ZNF536: variants seen among roughly 807,000 people sequenced by gnomAD.
ZNF536 encodes zinc finger protein 536.
In ZNF536, 13 loss-of-function variants were observed where a neutral mutation model predicts 84.5. That is an observed-to-expected ratio of 0.15 (90% CI 0.10 to 0.24). The LOEUF is 0.24. ZNF536 is among the 10% of genes least tolerant of loss of function. The pLI, the probability that ZNF536 is intolerant of heterozygous loss-of-function variation, is 1.00. For missense variants in ZNF536, 1,536 were observed against 1,747.5 expected (o/e 0.88, Z 2.16); for synonymous variants, 811 against 742.5 (o/e 1.09, Z -1.50).
intron 1 of ZNF536, among the ~76,000 whole-genome samples, chr19:30,280,410 C>A (rs2045400103): frequency 1.3e-5 from 2 of 152,200 alleles, no homozygotes; most frequent in African/African-American, 4.8e-5. Context: ...CTCCCCTACT[C>A]CCTCCCATCC....
intron 1 of ZNF536, among the ~76,000 whole-genome samples, chr19:30,627,468 C>CAAAAAAAAAAAAAAAAAAAAA (rs569312789): frequency 3.8e-5 from 2 of 52,028 alleles, no homozygotes; most frequent in African/African-American, 9.4e-5. Context: ...AAGGCCCTGT[C>CAAAAAAAAAAAAAAAAAAAAA]AAAAAAAAAA....
At chr19:30,236,241 G>A (rs1245474035) in intron 1 of ZNF536, among the ~76,000 whole-genome samples, 1 of 152,214 alleles carries the variant, frequency 6.6e-6, no homozygotes, top group African/African-American at 2.4e-5. Flanking sequence ...TGCCGCCGCC[G>A]GGTACTGAGG....
intron 1 of ZNF536, among the ~76,000 whole-genome samples, chr19:30,678,043 T>G (rs1313501165): frequency 6.6e-6 from 1 of 152,176 alleles, no homozygotes; most frequent in Non-Finnish European, 1.5e-5. Context: ...GAGTGTTCGG[T>G]GACAGTTTAT....
chr19:30,379,161 A>G (rs992700378), intron 1 of ZNF536, among the ~76,000 whole-genome samples: 2 of 152,304 alleles, frequency 1.3e-5, no homozygotes, highest in Middle Eastern at 3.4e-3. Context: ...AAGTTTGTGT[A>G]TTCTCCTGAC....
intron 2 of ZNF536, among the ~76,000 whole-genome samples, chr19:30,493,084 A>T (rs1335168745): frequency 7.8e-6 from 1 of 128,722 alleles, no homozygotes; most frequent in Non-Finnish European, 1.6e-5. Flanking sequence ...TTGCAATATT[A>T]CTCACTTTTT....
intron 2 of ZNF536, among the ~76,000 whole-genome samples, chr19:30,500,097 T>C (rs566033588): frequency 9.2e-5 from 14 of 152,220 alleles, no homozygotes; most frequent in Non-Finnish European, 1.6e-4. Context: ...TTAGATTATT[T>C]TAAATCGTTC....
chr19:30,447,108 G>C (rs907304043), intron 2 of ZNF536, among the ~76,000 whole-genome samples: 4 of 152,232 alleles, frequency 2.6e-5, no homozygotes, highest in African/African-American at 9.6e-5. Flanking sequence ...AAGACAGTTT[G>C]AGGCACCTCG....
intron 1 of ZNF536, among the ~76,000 whole-genome samples, chr19:30,414,578 A>T (rs958465461): frequency 2.0e-4 from 31 of 152,174 alleles, no homozygotes; most frequent in Non-Finnish European, 3.2e-4. Context: ...GTGTGCACAT[A>T]TGCATTCAGC....
intron 2 of ZNF536, among the ~76,000 whole-genome samples, chr19:30,529,844 G>T (rs536456409): frequency 6.6e-6 from 1 of 152,288 alleles, no homozygotes; most frequent in South Asian, 2.1e-4. Context: ...TGCAAATATG[G>T]CCTGTGTCTG....
At chr19:30,355,355 C>A (rs923457872) in intron 3 of ZNF536, among the ~76,000 whole-genome samples, 1 of 152,110 alleles carries the variant, frequency 6.6e-6, no homozygotes, top group African/African-American at 2.4e-5. Context: ...TGGTGTTAAA[C>A]CACTCACGAG....
intron 1 of ZNF536, among the ~76,000 whole-genome samples, chr19:30,636,592 T>C (rs750575734): frequency 6.6e-6 from 1 of 152,182 alleles, no homozygotes; most frequent in South Asian, 2.1e-4. Context: ...CATTTTGCGA[T>C]GTTGGATTTC....
chr19:30,645,609 A>G (rs1159863003), intron 1 of ZNF536, among the ~76,000 whole-genome samples: 3 of 152,196 alleles, frequency 2.0e-5, no homozygotes, highest in Non-Finnish European at 4.4e-5. Flanking sequence ...AATATTAATG[A>G]ATGATGTAAA....
intron 2 of ZNF536, among the ~76,000 whole-genome samples, chr19:30,518,616 A>G (rs944784594): frequency 1.3e-5 from 2 of 152,248 alleles, no homozygotes. Flanking sequence ...ACCGCTTTGA[A>G]TATTAGTGCA....
chr19:30,250,827 A>G (rs1310806137), intron 1 of ZNF536, among the ~76,000 whole-genome samples: 1 of 148,338 alleles, frequency 6.7e-6, no homozygotes, highest in Non-Finnish European at 1.5e-5. Context: ...TCCAATGATG[A>G]CTGTTTTGAT....
chr19:30,660,425 T>C (rs79742332), intron 1 of ZNF536, among the ~76,000 whole-genome samples: 3,086 of 152,338 alleles, frequency 0.02, 104 homozygotes, highest in African/African-American at 0.071. Flanking sequence ...CTGTCATCTC[T>C]TTGGCAGCGT....
At chr19:30,550,768 C>T (rs986513776) in intron 4 of ZNF536, among the ~76,000 whole-genome samples, 15 of 152,298 alleles carry the variant, frequency 9.8e-5, no homozygotes, top group Admixed American at 4.6e-4. Flanking sequence ...TTTTATTCCT[C>T]TTCTTCCCTA....
At chr19:30,251,079 A>G (rs1005532522) in intron 1 of ZNF536, among the ~76,000 whole-genome samples, 3 of 152,022 alleles carry the variant, frequency 2.0e-5, no homozygotes, top group African/African-American at 7.2e-5. Flanking sequence ...CTATCCCTGC[A>G]GTCAGCAACA....
At chr19:30,326,878 C>T (rs1490445120) in intron 2 of ZNF536, among the ~76,000 whole-genome samples, 3 of 121,634 alleles carry the variant, frequency 2.5e-5, no homozygotes, top group South Asian at 2.9e-4. Flanking sequence ...GAGGCTGAGG[C>T]GGGAGGATCA....
chr19:30,301,604 C>A (rs1292479782), intron 2 of ZNF536, among the ~76,000 whole-genome samples: 1 of 152,182 alleles, frequency 6.6e-6, no homozygotes, highest in Non-Finnish European at 1.5e-5. Context: ...GCTTTCTCAG[C>A]CCTAACTGGT....
Sources: gnomAD v4.1 joint callset for allele counts (sites outside exome capture counted in the v4.1 genomes callset) on GRCh38, gnomAD v4.1.1 for gene constraint, MANE v1.5 for transcripts, NCBI Gene and HGNC (gene_info 2026-07-23, HGNC 2026-07-21) for gene names.